The following MBD5 variants were observed in gnomAD, a reference collection of about 807,000 sequenced individuals.
MBD5 encodes the protein methyl-CpG-binding domain protein 5.
MBD5 carries 13 observed loss-of-function variants against 117.3 expected under a neutral mutation model. The observed-to-expected ratio is 0.11, with a 90% CI of 0.07 to 0.18. The LOEUF (loss-of-function observed/expected upper bound fraction) is 0.18, where lower values mean the gene tolerates loss of function less well. Ranked by LOEUF, MBD5 falls within the 10% of genes least tolerant of loss-of-function variation. MBD5 has a pLI of 1.00. For synonymous variants in MBD5, 727 were observed against 766.4 expected (o/e 0.95, Z 0.85); for missense variants, 1,879 against 2,093.8 (o/e 0.90, Z 2.00).
chr2:148,080,467 A>G (rs1379440567), intron 1 of MBD5, among the ~76,000 whole-genome samples: 3 of 152,190 alleles, frequency 2.0e-5, no homozygotes, highest in Admixed American at 6.5e-5. Flanking sequence ...TATGAAAACA[A>G]CTTTTTGCTC....
chr2:148,021,342 C>T lies in MBD5; in HGVS notation c.-1267C>T, dbSNP rs1693706624. 2.5e-6 allele frequency: 1 copy of T among 400,192 alleles called. No homozygotes were observed. The allele number at this position is 400,192 out of a possible 1,614,324, so 24.8% of individuals were successfully genotyped here. A position where few individuals can be genotyped will look rare whatever the true frequency, so the allele number is the denominator to read the frequency against. On this transcript the variant is annotated 5_prime_UTR_variant, in exon 1 of 14. Transcript: ENST00000642680. ...CTTCTTCGAAAACCCCCATCCACGACTCCTACCCCCTCACCCCTCCAACTC... is the reference window on the plus strand; with the variant it reads ...CTTCTTCGAAAACCCCCATCCACGATTCCTACCCCCTCACCCCTCCAACTC...
intron 4 of MBD5, among the ~76,000 whole-genome samples, chr2:148,364,819 G>A (rs1306961255): frequency 2.0e-5 from 3 of 152,066 alleles, no homozygotes; most frequent in Admixed American, 2.0e-4. Flanking sequence ...GCACCCAATA[G>A]GGGAGCACCC....
At chr2:148,192,558 AC>A (rs1299320359) in intron 2 of MBD5, among the ~76,000 whole-genome samples, 1 of 83,576 alleles carries the variant, frequency 1.2e-5, no homozygotes, top group Non-Finnish European at 2.2e-5. Context: ...AAATTCAACA[AC>A]CCTTCATGCT....
intron 2 of MBD5, among the ~76,000 whole-genome samples, chr2:148,230,824 G>T (rs1460243877): frequency 6.6e-6 from 1 of 152,116 alleles, no homozygotes; most frequent in Non-Finnish European, 1.5e-5. Flanking sequence ...GTTGCCCAGG[G>T]TGTGTCTAGA....
chr2:148,441,836 T>A (rs1706334754), intron 4 of MBD5, among the ~76,000 whole-genome samples: 1 of 152,132 alleles, frequency 6.6e-6, no homozygotes, highest in Admixed American at 6.6e-5. Flanking sequence ...TGGTTTTGAT[T>A]TGCATTTCTC....
chr2:148,470,811 A>G (rs1680772551), intron 8 of MBD5: 1 of 267,308 alleles, frequency 3.7e-6, no homozygotes, highest in Non-Finnish European at 7.0e-6. Flanking sequence ...GTCTATGCCA[A>G]TATAAAAGCC....
At chr2:148,482,681 A>G (rs550424025) in intron 8 of MBD5, among the ~76,000 whole-genome samples, 33 of 152,290 alleles carry the variant, frequency 2.2e-4, no homozygotes, top group African/African-American at 7.7e-4. Flanking sequence ...TTTTATAAAT[A>G]AAGACAAATA....
intron 3 of MBD5, among the ~76,000 whole-genome samples, chr2:148,332,783 C>T (rs1435339153): frequency 6.6e-6 from 1 of 152,086 alleles, no homozygotes; most frequent in Non-Finnish European, 1.5e-5. Context: ...ATTCATTCAG[C>T]CAGGTACTCA....
At chr2:148,281,020 A>G (rs1171070070) in intron 3 of MBD5, among the ~76,000 whole-genome samples, 22 of 151,990 alleles carry the variant, frequency 1.4e-4, no homozygotes. Context: ...ATTAACCTTG[A>G]TTTTGTCCTT....
chr2:148,392,195 G>A (rs1704587854), intron 4 of MBD5, among the ~76,000 whole-genome samples: 1 of 152,010 alleles, frequency 6.6e-6, no homozygotes, highest in South Asian at 2.1e-4. Flanking sequence ...TATTGCTATA[G>A]TTATTCTATA....
At chr2:148,444,369 A>G (rs1199836860) in intron 4 of MBD5, among the ~76,000 whole-genome samples, 1 of 151,210 alleles carries the variant, frequency 6.6e-6, no homozygotes, top group Non-Finnish European at 1.5e-5. Context: ...TCAAGAAAAC[A>G]GCATTTGCTT....
intron 4 of MBD5, among the ~76,000 whole-genome samples, chr2:148,418,642 A>G (rs972849538): frequency 9.2e-5 from 14 of 152,206 alleles, no homozygotes; most frequent in African/African-American, 2.7e-4. Context: ...AAAAAATAAA[A>G]TAAAATATTT....
At chr2:148,478,842 T>C (rs1207424261) in intron 8 of MBD5, among the ~76,000 whole-genome samples, 1 of 152,230 alleles carries the variant, frequency 6.6e-6, no homozygotes, top group African/African-American at 2.4e-5. Context: ...AGCTGCCTTT[T>C]GGTTATTTAA....
intron 4 of MBD5, among the ~76,000 whole-genome samples, chr2:148,446,821 T>C (rs1484684049): frequency 1.3e-5 from 2 of 151,912 alleles, no homozygotes; most frequent in South Asian, 2.1e-4. Context: ...TATGGTAATA[T>C]CTCCCTGATG....
intron 1 of MBD5, among the ~76,000 whole-genome samples, chr2:148,042,083 A>G (rs1434236646): frequency 6.6e-6 from 1 of 152,214 alleles, no homozygotes; most frequent in Non-Finnish European, 1.5e-5. Flanking sequence ...CTAAAAATAT[A>G]TGTGCAAAAG....
intron 3 of MBD5, among the ~76,000 whole-genome samples, chr2:148,327,207 C>T (rs566406575): frequency 1.3e-5 from 2 of 152,090 alleles, no homozygotes; most frequent in Non-Finnish European, 2.9e-5. Flanking sequence ...GAGAGATCTG[C>T]TGTTAGTCTT....
chr2:148,228,755 G>C (rs570880452), intron 2 of MBD5, among the ~76,000 whole-genome samples: 2 of 152,162 alleles, frequency 1.3e-5, no homozygotes, highest in South Asian at 2.1e-4. Context: ...TTTTTTAATT[G>C]GTAAGCTATT....
chr2:148,260,836 A>G (rs1264248811), intron 3 of MBD5: 5 of 152,222 alleles, frequency 3.3e-5, no homozygotes, highest in Non-Finnish European at 7.3e-5. Context: ...TTTCTTAATT[A>G]AAAAGACTTT....
rs1028231549 is a variant in MBD5, at chr2:148,400,379, G to T, written c.-556-57824G>T. Among the ~76,000 whole-genome samples the T allele has an allele frequency of 2.0e-5, 3 of 152,058 alleles. No homozygotes were observed. The East Asian group carries it at 5.8e-4, about 29-fold the overall frequency. On this transcript the variant is annotated intron_variant, in intron 4 of 13. Transcript: ENST00000642680. ...TATTACCAGTGCTTATTAAGTATTT[G>T]TTTTCTCCCAGTTATTTTCTCCAAC... is the stretch of plus-strand genomic sequence containing the variant.
Sources: gnomAD v4.1 joint callset for allele counts (sites outside exome capture counted in the v4.1 genomes callset) on GRCh38, gnomAD v4.1.1 for gene constraint, MANE v1.5 for transcripts, NCBI Gene and HGNC (gene_info 2026-07-23, HGNC 2026-07-21) for gene names.